The following PLCL1 variants were observed in gnomAD, a reference collection of about 807,000 sequenced individuals.
PLCL1 encodes inactive phospholipase C-like protein 1.
PLCL1 carries 41 observed loss-of-function variants against 84.4 expected under a neutral mutation model. That is an observed-to-expected ratio of 0.49 (90% CI 0.38 to 0.63). The LOEUF (loss-of-function observed/expected upper bound fraction) is 0.63. Among genes scored for constraint, PLCL1 ranks in the 30% least tolerant of loss-of-function variants. PLCL1 has a pLI of 0.00. For missense variants in PLCL1, 1,206 were observed against 1,367.8 expected (o/e 0.88, Z 1.87); for synonymous variants, 490 against 488.3 (o/e 1.00, Z -0.05).
intron 5 of PLCL1, among the ~76,000 whole-genome samples, chr2:198,137,129 C>T (rs1226976020): frequency 6.6e-6 from 1 of 151,612 alleles, no homozygotes; most frequent in African/African-American, 2.4e-5. Context: ...TGTAATGTAC[C>T]TAAATTAAAT....
chr2:198,146,665 G>C (rs561951179), intron 5 of PLCL1, 115 bp from the exon 6 acceptor site: 1 of 783,576 alleles, frequency 1.3e-6, no homozygotes, highest in East Asian at 2.7e-5. Flanking sequence ...TGAGCTTGCA[G>C]GTCTGGGTCT....
Position 198,084,950 on chromosome 2 carries a change from T to C in PLCL1, c.1433T>C (p.Phe478Ser), listed in dbSNP as rs1178508162. 1 of 1,613,922 alleles carries C rather than the reference T, an allele frequency of 6.2e-7. No homozygotes were observed. Among genetic ancestry groups the C allele is most frequent in the Non-Finnish European group, 8.5e-7 (1 of 1,179,990 alleles). The stretch of plus-strand genomic sequence containing the variant: ...AGTGTCATAGAGGTAATAAATAAAT[T>C]TGCCTTTGTTGCTTCTGAATACCCA... ...FRSVIEVINK[F>S]AFVASEYPLI... Residue 478 changes from phenylalanine (F) to serine (S), a missense_variant, in exon 2 of 6, where the codon TTT becomes TCT. Physicochemically the swap from Phe to Ser is radical, Grantham distance 155. Transcript: ENST00000428675.
intron 3 of PLCL1, among the ~76,000 whole-genome samples, chr2:198,096,864 A>G (rs1364638594): frequency 6.6e-6 from 1 of 152,204 alleles, no homozygotes; most frequent in Non-Finnish European, 1.5e-5. Flanking sequence ...AGTAAGTATT[A>G]CAGTTAAGCC....
chr2:197,999,249 C>G (rs1393902320), intron 1 of PLCL1, among the ~76,000 whole-genome samples: 1 of 152,144 alleles, frequency 6.6e-6, no homozygotes, highest in Non-Finnish European at 1.5e-5. Flanking sequence ...CTGGCACCAT[C>G]TCACTTTCTG....
intron 5 of PLCL1, among the ~76,000 whole-genome samples, chr2:198,129,142 C>T (rs970079771): frequency 1.3e-5 from 2 of 152,256 alleles, no homozygotes; most frequent in East Asian, 3.9e-4. Flanking sequence ...TTTTAAATGG[C>T]CCTGCAAAGC....
At chr2:198,124,956 C>A (rs1297435714) in intron 5 of PLCL1, among the ~76,000 whole-genome samples, 2 of 152,034 alleles carry the variant, frequency 1.3e-5, no homozygotes, top group Non-Finnish European at 2.9e-5. Context: ...TTAGATATTC[C>A]ATTCCTCAGG....
At chr2:197,946,387 A>G (rs1423515596) in intron 1 of PLCL1, among the ~76,000 whole-genome samples, 2 of 152,194 alleles carry the variant, frequency 1.3e-5, no homozygotes, top group East Asian at 3.8e-4. Context: ...TTAATTACCA[A>G]TCAGTTGGAA....
chr2:198,024,497 C>G (rs1691216547), intron 1 of PLCL1, among the ~76,000 whole-genome samples: 1 of 152,192 alleles, frequency 6.6e-6, no homozygotes, highest in Non-Finnish European at 1.5e-5. Flanking sequence ...CACGTGGTGG[C>G]TCATGCCTGT....
intron 1 of PLCL1, among the ~76,000 whole-genome samples, chr2:197,829,166 T>G (rs571687598): frequency 1.1e-4 from 16 of 152,344 alleles, no homozygotes; most frequent in African/African-American, 3.1e-4. Context: ...TCCTGTGTTT[T>G]TATTTGTTAA....
intron 1 of PLCL1, among the ~76,000 whole-genome samples, chr2:197,827,372 A>G (rs906765548): frequency 2.6e-5 from 4 of 151,998 alleles, no homozygotes; most frequent in Admixed American, 1.3e-4. Context: ...ATAAATATAT[A>G]TGTGTATATA....
intron 1 of PLCL1, among the ~76,000 whole-genome samples, chr2:198,067,117 T>C (rs1023811239): frequency 1.3e-5 from 2 of 151,666 alleles, no homozygotes; most frequent in African/African-American, 2.4e-5. Flanking sequence ...GTCCTCTTTT[T>C]TGTGGCCCTC....
chr2:197,937,115 A>G (rs1003813731), intron 1 of PLCL1, among the ~76,000 whole-genome samples: 4 of 152,098 alleles, frequency 2.6e-5, no homozygotes, highest in African/African-American at 9.7e-5. Context: ...TATTTCTGGG[A>G]TGTCTATTCT....
At chr2:198,025,732 C>G (rs1691247882) in intron 1 of PLCL1, among the ~76,000 whole-genome samples, 2 of 152,076 alleles carry the variant, frequency 1.3e-5, no homozygotes, top group Non-Finnish European at 2.9e-5. Flanking sequence ...GGTGCCAGAT[C>G]CCATGGAGAA....
At chr2:197,855,803 G>A (rs1687321466) in intron 1 of PLCL1, among the ~76,000 whole-genome samples, 1 of 152,124 alleles carries the variant, frequency 6.6e-6, no homozygotes, top group South Asian at 2.1e-4. Flanking sequence ...TGATTCAGAT[G>A]ACCAAAGACC....
At chr2:197,939,166 C>A (rs933603806) in intron 1 of PLCL1, among the ~76,000 whole-genome samples, 1 of 152,016 alleles carries the variant, frequency 6.6e-6, no homozygotes, top group Non-Finnish European at 1.5e-5. Flanking sequence ...TGATTACATC[C>A]ATTTAATAGT....
intron 1 of PLCL1, among the ~76,000 whole-genome samples, chr2:197,986,652 A>G (rs1690225281): frequency 6.6e-6 from 1 of 152,194 alleles, no homozygotes; most frequent in African/African-American, 2.4e-5. Context: ...TCTGGCTTCA[A>G]TTTAATAATT....
intron 1 of PLCL1, among the ~76,000 whole-genome samples, chr2:197,940,756 T>C (rs1390966026): frequency 1.3e-5 from 2 of 152,250 alleles, no homozygotes; most frequent in African/African-American, 4.8e-5. Context: ...ATATTACACA[T>C]AGACACACTG....
At chr2:198,124,745 T>C (rs1343471580) in intron 5 of PLCL1, among the ~76,000 whole-genome samples, 1 of 152,142 alleles carries the variant, frequency 6.6e-6, no homozygotes, top group African/African-American at 2.4e-5. Context: ...GTTTATGTTC[T>C]TATGGGAGAT....
At chr2:197,828,850 C>A (rs1690989298) in intron 1 of PLCL1, among the ~76,000 whole-genome samples, 3 of 152,036 alleles carry the variant, frequency 2.0e-5, no homozygotes, top group African/African-American at 7.2e-5. Context: ...AAATGGTTAC[C>A]ACTTTAACTC....
Sources: allele counts gnomAD v4.1 joint callset (sites outside exome capture counted in the v4.1 genomes callset), GRCh38; gene constraint gnomAD v4.1.1; transcripts MANE v1.5; gene names NCBI Gene and HGNC (gene_info 2026-07-23, HGNC 2026-07-21).